Variants in CHN1 observed in about 807,000 individuals in gnomAD.
The protein encoded by CHN1 is chimerin 1, also known as N-chimaerin.
A neutral mutation model predicts 59.5 loss-of-function variants in CHN1; 37 were observed. That is an observed-to-expected ratio of 0.62 (90% confidence interval 0.48 to 0.82). The LOEUF is 0.82. Ranked by LOEUF, CHN1 falls within the 40% of genes least tolerant of loss-of-function variation. The pLI, the probability that CHN1 is intolerant of heterozygous loss-of-function variation, is 0.00. For missense variants in CHN1, 469 were observed against 571.0 expected (o/e 0.82, Z 1.82); for synonymous variants, 206 against 200.4 (o/e 1.03, Z -0.24).
intron 10 of CHN1, 59 bp from the exon 11 acceptor site, chr2:174,809,101 T>C: frequency 1.4e-6 from 2 of 1,433,516 alleles, no homozygotes; most frequent in South Asian, 1.3e-5. Flanking sequence ...ACTGTTTTAA[T>C]GAATGACATA....
chr2:174,864,298 C>A (rs1031616831), intron 6 of CHN1, among the ~76,000 whole-genome samples: 1 of 152,092 alleles, frequency 6.6e-6, no homozygotes, highest in Admixed American at 6.5e-5. Flanking sequence ...TTTCAAAGAG[C>A]TAGGGATGCT....
intron 1 of CHN1, among the ~76,000 whole-genome samples, chr2:174,956,465 T>C (rs1281072469): frequency 1.3e-5 from 2 of 152,066 alleles, no homozygotes; most frequent in Non-Finnish European, 2.9e-5. Context: ...CACACAAATA[T>C]GTCTGCTCAA....
At chr2:174,811,187 T>C in intron 10 of CHN1, 1 of 170,042 alleles carries the variant, frequency 5.9e-6, no homozygotes, top group South Asian at 1.8e-4. Context: ...GCCTGAAATC[T>C]GTAATGGTAT....
intron 1 of CHN1, among the ~76,000 whole-genome samples, chr2:175,001,291 T>C (rs1175147983): frequency 6.6e-6 from 1 of 152,218 alleles, no homozygotes; most frequent in Non-Finnish European, 1.5e-5. Context: ...CCTATAAAAT[T>C]AGCTTTCAGT....
chr2:174,881,804 G>A (rs1687746689), intron 5 of CHN1, among the ~76,000 whole-genome samples: 1 of 152,188 alleles, frequency 6.6e-6, no homozygotes, highest in East Asian at 1.9e-4. Flanking sequence ...TTTGCCACTT[G>A]GTTAAATAGA....
At chr2:174,957,345 C>T (rs1323055677) in intron 1 of CHN1, among the ~76,000 whole-genome samples, 1 of 150,848 alleles carries the variant, frequency 6.6e-6, no homozygotes, top group Non-Finnish European at 1.5e-5. Context: ...AACTGCCTTG[C>T]TTGGCCACAG....
chr2:174,995,327 T>C (rs1691672229), intron 1 of CHN1, among the ~76,000 whole-genome samples: 1 of 152,192 alleles, frequency 6.6e-6, no homozygotes, highest in Non-Finnish European at 1.5e-5. Flanking sequence ...TCACAAGTTT[T>C]TAAGTTGCAT....
Position 174,963,826 on chromosome 2 carries a change from T to C in CHN1, c.20-11624A>G, listed in dbSNP as rs555671097. Among the ~76,000 whole-genome samples, 4 of 152,234 alleles carry C rather than the reference T, an allele frequency of 2.6e-5. No individual in the cohort carries two copies. The South Asian group carries it at 8.3e-4, about 32-fold the overall frequency. ...AACAAGCACAACTCATGGAGCCGAC[T>C]CACAAGAGCACAAAGTAAGGAACTG... is the stretch of plus-strand genomic sequence containing the variant. On this transcript the variant is annotated intron_variant, in intron 1 of 12. Transcript: ENST00000409900.
intron 3 of CHN1, among the ~76,000 whole-genome samples, chr2:174,922,188 GA>G (rs1222807417): frequency 6.6e-6 from 1 of 152,118 alleles, no homozygotes; most frequent in African/African-American, 2.4e-5. Flanking sequence ...CTTTGCTTAC[GA>G]AGATGAAATT....
At chr2:174,949,822 A>T (rs1189606440) in intron 2 of CHN1, among the ~76,000 whole-genome samples, 3 of 152,188 alleles carry the variant, frequency 2.0e-5, no homozygotes, top group Non-Finnish European at 4.4e-5. Context: ...AGTTTTTTTC[A>T]TGTGACAAAT....
chr2:174,974,200 T>C (rs1318415235), intron 1 of CHN1, among the ~76,000 whole-genome samples: 3 of 152,234 alleles, frequency 2.0e-5, no homozygotes, highest in Non-Finnish European at 4.4e-5. Context: ...AATAGAGTCT[T>C]CTTTTAACTC....
intron 6 of CHN1, among the ~76,000 whole-genome samples, chr2:174,872,893 T>G (rs1687453509): frequency 6.6e-6 from 1 of 152,182 alleles, no homozygotes; most frequent in South Asian, 2.1e-4. Context: ...AAGGCCACAT[T>G]ACAAAATCTT....
At chr2:175,003,546 G>A (rs1424873140) in intron 1 of CHN1, among the ~76,000 whole-genome samples, 2 of 152,084 alleles carry the variant, frequency 1.3e-5, no homozygotes, top group Non-Finnish European at 2.9e-5. Flanking sequence ...ATCTCTTTAG[G>A]AAAGAAAATG....
At chr2:174,951,604 T>C (rs1232427763) in intron 2 of CHN1, among the ~76,000 whole-genome samples, 1 of 152,190 alleles carries the variant, frequency 6.6e-6, no homozygotes, top group Non-Finnish European at 1.5e-5. Flanking sequence ...TAATATTCTC[T>C]AGAAAACAAG....
chr2:174,799,878 A>G lies in CHN1; in HGVS notation c.*238T>C. Reference sequence around the variant, plus strand: ...CCAGATAGGGGGCTAATCATGCAATAGCTTGAGTTTCTCTGAACGTGATAA... The same window carrying G: ...CCAGATAGGGGGCTAATCATGCAATGGCTTGAGTTTCTCTGAACGTGATAA... On this transcript the variant is annotated 3_prime_UTR_variant, in exon 13 of 13. Coordinates refer to ENST00000409900, the MANE Select transcript of CHN1 (RefSeq NM_001822.7). The G allele has an allele frequency of 1.6e-6, 1 of 617,582 alleles. No homozygotes were observed. Among genetic ancestry groups the G allele is most frequent in the Admixed American group, 2.1e-5 (1 of 47,496 alleles). The allele number at this position is 617,582 out of a possible 1,614,324, so 38.3% of individuals were successfully genotyped here. A position where few individuals can be genotyped will look rare whatever the true frequency, so the allele number is the denominator to read the frequency against.
intron 5 of CHN1, among the ~76,000 whole-genome samples, chr2:174,882,862 A>T (rs780650305): frequency 1.3e-5 from 2 of 152,234 alleles, no homozygotes; most frequent in Admixed American, 6.5e-5. Context: ...TAAGTACTAC[A>T]AAATAAATTT....
chr2:174,945,108 A>G lies in CHN1; in HGVS notation c.59-165T>C. 7.2e-6 allele frequency: 4 copies of G among 557,646 alleles called. No homozygotes were observed. In the South Asian group the frequency reaches 1.1e-4, roughly 16 times the overall value. 34.5% of individuals were successfully genotyped at this position (557,646 alleles called of 1,614,324 possible). A position where few individuals can be genotyped will look rare whatever the true frequency, so the allele number is the denominator to read the frequency against. On this transcript the variant is annotated intron_variant, in intron 2 of 12. Transcript: ENST00000409900. ...ACAAAAAAAGTAAACAAAACTACAT[A>G]TAGTGAAAGCCCAGGAGCAATTCAA...
At chr2:174,995,301 C>G (rs1038702959) in intron 1 of CHN1, among the ~76,000 whole-genome samples, 3 of 152,126 alleles carry the variant, frequency 2.0e-5, no homozygotes, top group African/African-American at 7.2e-5. Context: ...ATGAACAACT[C>G]CAGAAAATAA....
In CHN1 at chr2:174,902,847, T is replaced by G. The variant is rs16862903; in HGVS notation, c.260+12211A>C. On this transcript the variant is annotated intron_variant, in intron 5 of 12. Transcript: ENST00000409900. Reference sequence around the variant, plus strand: ...AAAGCCCCTTTATCAGTATCTACTATGATTCTCTGGCTTTACTCAGGAACT... The same window carrying G: ...AAAGCCCCTTTATCAGTATCTACTAGGATTCTCTGGCTTTACTCAGGAACT... 2.2e-3 allele frequency among the ~76,000 whole-genome samples: 339 copies of G among 152,366 alleles called. 2 individuals are homozygous for G. Among genetic ancestry groups the G allele is most frequent in the African/African-American group, 7.9e-3 (329 of 41,586 alleles).
Sources: gnomAD v4.1 joint callset for allele counts (sites outside exome capture counted in the v4.1 genomes callset) on GRCh38, gnomAD v4.1.1 for gene constraint, MANE v1.5 for transcripts, NCBI Gene and HGNC (gene_info 2026-07-23, HGNC 2026-07-21) for gene names.